Variants in EPHA3 observed in about 807,000 individuals in gnomAD.
EPHA3 encodes ephrin type-A receptor 3.
Under a neutral mutation model 107.1 loss-of-function variants are expected in EPHA3, and 42 were observed. The ratio of observed to expected loss-of-function variants is 0.39; its 90% CI spans 0.31 to 0.51. EPHA3 has a LOEUF of 0.51. Ranked by LOEUF, EPHA3 falls within the 20% of genes least tolerant of loss-of-function variation. The pLI is 0.78. For synonymous variants in EPHA3, 461 were observed against 424.8 expected (o/e 1.09, Z -1.05); for missense variants, 1,183 against 1,211.2 (o/e 0.98, Z 0.35).
chr3:89,457,298 C>T (rs917702709), intron 15 of EPHA3, among the ~76,000 whole-genome samples: 5 of 152,176 alleles, frequency 3.3e-5, no homozygotes, highest in African/African-American at 7.2e-5. Flanking sequence ...CCTCAGCCCC[C>T]GTGCCATGGA....
chr3:89,129,395 G>T (rs181993765), intron 2 of EPHA3, among the ~76,000 whole-genome samples: 268 of 152,018 alleles, frequency 1.8e-3, no homozygotes, highest in Non-Finnish European at 1.8e-3. Context: ...ATTATTATTT[G>T]CAGGGAGAAA....
chr3:89,285,615 C>T (rs553085475), intron 3 of EPHA3, among the ~76,000 whole-genome samples: 1 of 152,258 alleles, frequency 6.6e-6, no homozygotes, highest in African/African-American at 2.4e-5. Flanking sequence ...GTGAGCATGT[C>T]AGCTATTTAC....
At chr3:89,197,034 A>G (rs980916054) in intron 2 of EPHA3, among the ~76,000 whole-genome samples, 2 of 151,886 alleles carry the variant, frequency 1.3e-5, no homozygotes, top group Non-Finnish European at 2.9e-5. Flanking sequence ...GCAGCCTGTG[A>G]CCTTTTTATG....
At chr3:89,236,200 A>C (rs1171058531) in intron 3 of EPHA3, among the ~76,000 whole-genome samples, 1 of 152,100 alleles carries the variant, frequency 6.6e-6, no homozygotes, top group Non-Finnish European at 1.5e-5. Flanking sequence ...TATCATCTTG[A>C]GTAAACTAAG....
rs541048903 is a variant in EPHA3 at position 89,386,872 on chromosome 3, T to C, written c.1307-8965T>C. On this transcript the variant is annotated intron_variant, in intron 5 of 16. Coordinates refer to ENST00000336596, the MANE Select transcript of EPHA3 (RefSeq NM_005233.6). ...GAGATTATTTCAGAGCTTTAAGATT[T>C]AATTATTGCCTTGTTTGATTTTGGA... Among the ~76,000 whole-genome samples, 4 of 152,328 alleles carry C rather than the reference T, an allele frequency of 2.6e-5. No individual in the cohort carries two copies. The South Asian group carries it at 6.2e-4, about 24-fold the overall frequency.
chr3:89,257,834 T>A, intron 3 of EPHA3, among the ~76,000 whole-genome samples: 1 of 151,756 alleles, frequency 6.6e-6, no homozygotes, highest in South Asian at 2.1e-4. Flanking sequence ...CACCAACCAA[T>A]GTAATAATTA....
chr3:89,211,820 C>T (rs78555850), intron 3 of EPHA3, among the ~76,000 whole-genome samples: 113 of 95,476 alleles, frequency 1.2e-3, no homozygotes, highest in African/African-American at 5.7e-3. Flanking sequence ...TTCTTCTTCT[C>T]CTTCTCCTCC....
intron 3 of EPHA3, among the ~76,000 whole-genome samples, chr3:89,320,069 G>A (rs558608988): frequency 6.9e-4 from 105 of 151,734 alleles, no homozygotes; most frequent in Middle Eastern, 3.4e-3. Flanking sequence ...TTCTGATATT[G>A]AAAAAAATAG....
chr3:89,202,233 G>A (rs1484459950), intron 2 of EPHA3, among the ~76,000 whole-genome samples: 4 of 151,858 alleles, frequency 2.6e-5, no homozygotes, highest in East Asian at 1.9e-4. Context: ...GGTGTCTCAC[G>A]CTTGTAATCT....
chr3:89,243,691 T>G (rs539589517), intron 3 of EPHA3, among the ~76,000 whole-genome samples: 3 of 152,140 alleles, frequency 2.0e-5, no homozygotes, highest in Non-Finnish European at 4.4e-5. Flanking sequence ...TTGCAAAAAT[T>G]TTCTCCCATT....
chr3:89,395,721 T>A (rs2107503737), intron 5 of EPHA3, 116 bp from the exon 6 acceptor site: 2 of 1,278,640 alleles, frequency 1.6e-6, no homozygotes, highest in East Asian at 4.7e-5. Context: ...GCCAAAAAAC[T>A]GGAACAATGA....
chr3:89,316,902 G>C (rs1706921228), intron 3 of EPHA3, among the ~76,000 whole-genome samples: 1 of 151,460 alleles, frequency 6.6e-6, no homozygotes. Flanking sequence ...ACCACTCTTT[G>C]AGGGAGATAT....
chr3:89,150,373 CT>C (rs1704664903), intron 2 of EPHA3, among the ~76,000 whole-genome samples: 1 of 151,834 alleles, frequency 6.6e-6, no homozygotes, highest in Non-Finnish European at 1.5e-5. Context: ...ATATATGTAA[CT>C]TTTATTTATA....
intron 3 of EPHA3, among the ~76,000 whole-genome samples, chr3:89,235,596 C>G (rs891968759): frequency 6.6e-6 from 1 of 151,636 alleles, no homozygotes; most frequent in Non-Finnish European, 1.5e-5. Flanking sequence ...TCTTAGAATT[C>G]TACAATGTGT....
chr3:89,338,994 A>G (rs1428768338), intron 3 of EPHA3, among the ~76,000 whole-genome samples: 3 of 152,206 alleles, frequency 2.0e-5, no homozygotes, highest in African/African-American at 4.8e-5. Flanking sequence ...CAAACTAGTC[A>G]CTAGACTTTA....
At chr3:89,153,200 C>A (rs546482755) in intron 2 of EPHA3, among the ~76,000 whole-genome samples, 1 of 152,010 alleles carries the variant, frequency 6.6e-6, no homozygotes. Flanking sequence ...AGAATTTCAG[C>A]TTCATCTTGA....
chr3:89,182,050 C>T (rs1210178270), intron 2 of EPHA3, among the ~76,000 whole-genome samples: 1 of 150,088 alleles, frequency 6.7e-6, no homozygotes, highest in Non-Finnish European at 1.5e-5. Context: ...CTATGGTTTT[C>T]CTCTTATTTG....
rs1707659985 is a variant in EPHA3, at chr3:89,346,534, G to A, written c.1306+4444G>A. Among the ~76,000 whole-genome samples, 6 of 148,614 alleles carry A rather than the reference G, an allele frequency of 4.0e-5. No individual in the cohort carries two copies. In the South Asian group the frequency reaches 1.3e-3, roughly 31 times the overall value. On this transcript the variant is annotated intron_variant, in intron 5 of 16. Transcript: ENST00000336596. ...TGGATATTAGCCCTTTGTCAGATGA[G>A]TAGGTTGCGAAAATTTTCTCCCATT...
rs542924340 is a variant in EPHA3 at position 89,428,546 on chromosome 3, C to A, written c.2075-560C>A. 7.9e-5 allele frequency among the ~76,000 whole-genome samples: 12 copies of A among 152,080 alleles called. No individual in the cohort carries two copies. The East Asian group carries it at 2.1e-3, about 27-fold the overall frequency. On this transcript the variant is annotated intron_variant, in intron 11 of 16. Coordinates refer to ENST00000336596, the MANE Select transcript of EPHA3 (RefSeq NM_005233.6). ...CATTTCATAATTTTTAAGTGTTAAA[C>A]AAATTTTGTAAATAATTATAACTAT...
Sources: allele counts gnomAD v4.1 joint callset (sites outside exome capture counted in the v4.1 genomes callset), GRCh38; gene constraint gnomAD v4.1.1; transcripts MANE v1.5; gene names NCBI Gene and HGNC (gene_info 2026-07-23, HGNC 2026-07-21).